Variants in KYAT1 observed in about 807,000 individuals in gnomAD.
KYAT1 encodes the protein kynurenine--oxoglutarate transaminase 1.
KYAT1 carries 47 observed loss-of-function variants against 52.4 expected under a neutral mutation model. The ratio of observed to expected loss-of-function variants is 0.90; its 90% CI spans 0.71 to 1.14. The LOEUF is 1.14. Ranked by LOEUF, KYAT1 falls within the 50% of genes most tolerant of loss-of-function variation. The pLI is 0.00. For missense variants in KYAT1, 480 were observed against 557.9 expected (o/e 0.86, Z 1.41); for synonymous variants, 212 against 209.6 (o/e 1.01, Z -0.10).
chr9:128,842,204 A>G, intron 3 of KYAT1: 1 of 214,568 alleles, frequency 4.7e-6, no homozygotes, highest in Non-Finnish European at 9.8e-6. Flanking sequence ...AAAAAGAAAA[A>G]GAAAAAAAGA....
chr9:128,876,457 G>A (rs1366373983), intron 1 of KYAT1, among the ~76,000 whole-genome samples: 4 of 138,848 alleles, frequency 2.9e-5, no homozygotes, highest in Admixed American at 8.0e-5. Context: ...TGGCTCTGTC[G>A]CCCAGGCTGG....
chr9:128,838,782 G>A (rs763720741), intron 3 of KYAT1, among the ~76,000 whole-genome samples: 9 of 152,114 alleles, frequency 5.9e-5, no homozygotes, highest in South Asian at 2.1e-4. Flanking sequence ...AGCCCAGGGC[G>A]GGGATTTAGC....
intron 1 of KYAT1, among the ~76,000 whole-genome samples, chr9:128,875,238 G>GC (rs1254458610): frequency 1.6e-5 from 2 of 127,736 alleles, no homozygotes; most frequent in Non-Finnish European, 3.3e-5. Flanking sequence ...TGTTCAATTT[G>GC]TTTTTTTTTG....
intron 1 of KYAT1, chr9:128,846,985 G>A (rs1421325256): frequency 3.4e-6 from 3 of 872,500 alleles, no homozygotes; most frequent in African/African-American, 3.4e-5. Context: ...GAGGCTTGAA[G>A]AGGCTCAGGT....
intron 1 of KYAT1, among the ~76,000 whole-genome samples, chr9:128,860,751 T>TG (rs2130662464): frequency 1.3e-5 from 2 of 152,110 alleles, no homozygotes; most frequent in South Asian, 4.2e-4. Flanking sequence ...TTAGTAGAGA[T>TG]GGGGTTTCAC....
At chr9:128,879,756 C>T (rs1054522041) in intron 1 of KYAT1, among the ~76,000 whole-genome samples, 1 of 152,218 alleles carries the variant, frequency 6.6e-6, no homozygotes, top group Non-Finnish European at 1.5e-5. Flanking sequence ...TCTGACTCCA[C>T]CCAGGCTAAG....
At chr9:128,851,420 C>T (rs1235004997) in intron 1 of KYAT1, among the ~76,000 whole-genome samples, 3 of 152,170 alleles carry the variant, frequency 2.0e-5, no homozygotes, top group African/African-American at 7.2e-5. Context: ...CTTATCTCAG[C>T]TTCATTAAAA....
Position 128,879,282 on chromosome 9 carries a change from C to G in KYAT1, c.-7+2615G>C, listed in dbSNP as rs188331668. Among the ~76,000 whole-genome samples the G allele has an allele frequency of 6.8e-4, 103 of 152,068 alleles. 2 individuals are homozygous for G. The East Asian group carries it at 0.012, about 17-fold the overall frequency. On this transcript the variant is annotated intron_variant, in intron 1 of 12. Coordinates refer to ENST00000302586, the MANE Select transcript of KYAT1 (RefSeq NM_004059.5). ...CCGAGATTGCACCACTGCACTCCAG[C>G]CTGGGCGACAGAGTGAGACTCCGTC...
rs1836130674 is a variant in KYAT1 at position 128,865,334 on chromosome 9, TA to T, written c.-7+16562del. Among the ~76,000 whole-genome samples, 24 of 2,458 alleles carry T rather than the reference TA, an allele frequency of 9.8e-3. 2 individuals carry two copies. Among genetic ancestry groups the T allele is most frequent in the Admixed American group, 0.011 (2 of 184 alleles). The allele number at this position is 2,458 out of a possible 152,430, so 1.6% of individuals were successfully genotyped here. A position where few individuals can be genotyped will look rare whatever the true frequency, so the allele number is the denominator to read the frequency against. On this transcript the variant is annotated intron_variant, in intron 1 of 12. Coordinates refer to ENST00000302586, the MANE Select transcript of KYAT1 (RefSeq NM_004059.5). The stretch of plus-strand genomic sequence containing the variant: ...ATATATATATATATATATATATATA[TA>T]TATATATATATATATATATATATAT...
At chr9:128,849,073 C>CCACT (rs1833541464) in intron 1 of KYAT1, among the ~76,000 whole-genome samples, 1 of 150,792 alleles carries the variant, frequency 6.6e-6, no homozygotes. Context: ...CAAGATCGTG[C>CCACT]CACTGTACTC....
Position 128,880,964 on chromosome 9 carries a change from C to G in KYAT1, c.-7+933G>C, listed in dbSNP as rs539308258. On this transcript the variant is annotated intron_variant, in intron 1 of 12. Transcript: ENST00000302586. ...CAGGTACCCAAGACCCCAATTCTGT[C>G]GGAGACAACCGCAATTAACAACTTC... Among the ~76,000 whole-genome samples, 4 of 152,308 alleles carry G rather than the reference C, an allele frequency of 2.6e-5. No individual in the cohort carries two copies. The East Asian group carries it at 7.7e-4, about 29-fold the overall frequency.
At position 128,833,825 on chromosome 9, in the gene KYAT1, C is replaced by T; in HGVS notation, c.1124G>A (p.Gly375Asp). Residue 375 changes from glycine to aspartate, a missense_variant and splice_region_variant, in exon 12 of 13, where the codon GGC becomes GAC. Gly to Asp is a moderately conservative substitution (Grantham distance 94, BLOSUM62 -1). Coordinates refer to ENST00000302586, the MANE Select transcript of KYAT1 (RefSeq NM_004059.5). ...GATGGAGACAGGGATGGCCACCAAG[C>T]CCTGGGGAGGAGGAAGGACATGTCT... ...RFVKWMIKNK[G>D]LVAIPVSIFY... 6.2e-7 allele frequency: 1 copy of T among 1,613,968 alleles called. No individual in the cohort carries two copies. The highest frequency in any genetic ancestry group is 2.2e-5 in the East Asian group (1 of 44,892).
In KYAT1 at chr9:128,833,450, T is replaced by C. The variant is rs1830452994; in HGVS notation, c.*134A>G. The C allele has an allele frequency of 2.2e-6, 2 of 896,054 alleles. No individual in the cohort carries two copies. The highest frequency in any genetic ancestry group is 2.1e-5 in the Admixed American group (1 of 47,588). 55.5% of individuals were successfully genotyped at this position (896,054 alleles called of 1,614,324 possible). On this transcript the variant is annotated 3_prime_UTR_variant, in exon 13 of 13. Transcript: ENST00000302586. The stretch of plus-strand genomic sequence containing the variant: ...AGGGCGGCTCCCACCCAGAACATTC[T>C]GTGTCACGGAGAAGAGGTTTCCCAA...
chr9:128,863,619 A>G (rs1029548698), intron 1 of KYAT1, among the ~76,000 whole-genome samples: 2 of 152,102 alleles, frequency 1.3e-5, no homozygotes, highest in East Asian at 1.9e-4. Context: ...GGGAGAAGCC[A>G]TAAGGGGTTC....
At chr9:128,839,844 G>T (rs1055586930) in intron 3 of KYAT1, among the ~76,000 whole-genome samples, 4 of 152,100 alleles carry the variant, frequency 2.6e-5, no homozygotes, top group African/African-American at 9.7e-5. Context: ...TTGAGGCCAG[G>T]AGTTTGAGAA....
chr9:128,838,017 C>T (rs1199072887), intron 5 of KYAT1, 34 bp downstream of exon 5: 1 of 1,605,372 alleles, frequency 6.2e-7, no homozygotes, highest in East Asian at 2.2e-5. Flanking sequence ...CCTTGGATCC[C>T]TCTGCCCATC....
At chr9:128,854,672 G>A (rs1163177203) in intron 1 of KYAT1, among the ~76,000 whole-genome samples, 1 of 152,208 alleles carries the variant, frequency 6.6e-6, no homozygotes, top group East Asian at 1.9e-4. Context: ...TATGTCTGCA[G>A]GAGCAGCTGC....
intron 1 of KYAT1, among the ~76,000 whole-genome samples, chr9:128,879,026 G>C (rs564393924): frequency 1.4e-4 from 22 of 152,070 alleles, no homozygotes; most frequent in Non-Finnish European, 2.2e-4. Flanking sequence ...AATTATGCCG[G>C]GAGGCCGGGC....
At chr9:128,871,476 C>T (rs903891203) in intron 1 of KYAT1, among the ~76,000 whole-genome samples, 2 of 151,642 alleles carry the variant, frequency 1.3e-5, no homozygotes, top group Non-Finnish European at 2.9e-5. Flanking sequence ...CTTTGAGAGG[C>T]CGAGGCAGGA....
Sources: gnomAD v4.1 joint callset for allele counts (sites outside exome capture counted in the v4.1 genomes callset) on GRCh38, gnomAD v4.1.1 for gene constraint, MANE v1.5 for transcripts, NCBI Gene and HGNC (gene_info 2026-07-23, HGNC 2026-07-21) for gene names.